Variants in DLGAP1 observed in about 807,000 individuals in gnomAD.
The protein encoded by DLGAP1 is DLG associated protein 1, also known as disks large-associated protein 1.
In DLGAP1, 11 loss-of-function variants were observed where a neutral mutation model predicts 90.8. That is an observed-to-expected ratio of 0.12 (90% CI 0.08 to 0.20). The LOEUF (loss-of-function observed/expected upper bound fraction) is 0.20, where lower values mean the gene tolerates loss of function less well. Ranked by LOEUF, DLGAP1 falls within the 10% of genes least tolerant of loss-of-function variation. The pLI, the probability that DLGAP1 is intolerant of heterozygous loss-of-function variation, is 1.00. For missense variants in DLGAP1, 1,050 were observed against 1,333.8 expected, an observed-to-expected ratio of 0.79 and a Z score of 3.31; for synonymous variants, 558 against 540.7, an observed-to-expected ratio of 1.03 and a Z score of -0.44.
intron 1 of DLGAP1, among the ~76,000 whole-genome samples, chr18:4,178,202 AACACACACACACACACACACACAC>A (rs59444096): frequency 1.2e-4 from 14 of 118,478 alleles, no homozygotes; most frequent in South Asian, 3.4e-4. Flanking sequence ...TCCTGGAATA[AACACACACACACACACACACACAC>A]ACACACACAC....
intron 5 of DLGAP1, among the ~76,000 whole-genome samples, chr18:3,777,690 T>G (rs1262745842): frequency 6.6e-6 from 1 of 152,202 alleles, no homozygotes. Flanking sequence ...AGAGAGTATG[T>G]TTCAATTCTG....
At chr18:3,560,063 A>C (rs1041942444) in intron 9 of DLGAP1, among the ~76,000 whole-genome samples, 1 of 152,184 alleles carries the variant, frequency 6.6e-6, no homozygotes, top group African/African-American at 2.4e-5. Flanking sequence ...GTAAATGTAC[A>C]TATATTTAAA....
chr18:3,754,170 T>G (rs1380067155), intron 5 of DLGAP1, among the ~76,000 whole-genome samples: 4 of 152,064 alleles, frequency 2.6e-5, no homozygotes, highest in African/African-American at 9.7e-5. Flanking sequence ...CCTGCTAATT[T>G]TTTTGTATTT....
At chr18:4,187,612 T>C (rs1002178978) in intron 1 of DLGAP1, among the ~76,000 whole-genome samples, 1 of 152,176 alleles carries the variant, frequency 6.6e-6, no homozygotes, top group Non-Finnish European at 1.5e-5. Context: ...TTTTCTGTAT[T>C]GTTGCTGTGA....
At chr18:3,878,745 G>A (rs906682856) in intron 4 of DLGAP1, among the ~76,000 whole-genome samples, 1 of 152,138 alleles carries the variant, frequency 6.6e-6, no homozygotes, top group Admixed American at 6.5e-5. Flanking sequence ...CGATCGTCAC[G>A]TATTTTTGAA....
chr18:3,585,822 A>AG (rs2145456590), intron 7 of DLGAP1, among the ~76,000 whole-genome samples: 1 of 152,328 alleles, frequency 6.6e-6, no homozygotes, highest in East Asian at 1.9e-4. Flanking sequence ...TCCAAAAAAA[A>AG]GCTAGATAAT....
At chr18:3,915,289 C>G (rs1343123142) in intron 3 of DLGAP1, among the ~76,000 whole-genome samples, 5 of 152,114 alleles carry the variant, frequency 3.3e-5, no homozygotes, top group African/African-American at 9.7e-5. Context: ...GTTTAATAAG[C>G]TCAGCTGTGA....
At chr18:3,897,147 C>T (rs1038713954) in intron 3 of DLGAP1, 24 of 152,174 alleles carry the variant, frequency 1.6e-4, no homozygotes, top group African/African-American at 5.8e-4. Context: ...TCTTGTTAAC[C>T]TGTCTTTTGT....
At chr18:3,915,508 T>C (rs920817676) in intron 3 of DLGAP1, among the ~76,000 whole-genome samples, 2 of 152,200 alleles carry the variant, frequency 1.3e-5, no homozygotes. Context: ...TGGAAGCTGC[T>C]AATTGCAACT....
intron 5 of DLGAP1, among the ~76,000 whole-genome samples, chr18:3,779,017 C>T (rs952936632): frequency 2.0e-5 from 3 of 152,122 alleles, no homozygotes; most frequent in Admixed American, 6.5e-5. Flanking sequence ...CATCCCCCCA[C>T]GACCCAGGCC....
chr18:3,729,084 C>G lies in DLGAP1; in HGVS notation c.1591+51G>C. ...CAAGGGCACAGTCTTTGGGGACAGT[C>G]GTGCCATAGCCAGCACAGGGGCCAG... On this transcript the variant is annotated intron_variant, in intron 7 of 12. Coordinates refer to ENST00000315677, the MANE Select transcript of DLGAP1 (RefSeq NM_004746.4). This position sits in a 1 kb window ranked among gnomAD's most constrained non-coding sequence, Gnocchi z 6.2. 6.4e-7 allele frequency: 1 copy of G among 1,555,392 alleles called. No individual in the cohort carries two copies. Among genetic ancestry groups the G allele is most frequent in the Non-Finnish European group, 8.7e-7 (1 of 1,150,868 alleles).
chr18:4,011,175 CAAAAAAA>C lies in DLGAP1; in HGVS notation c.-158-5981_-158-5975del, dbSNP rs35493947. ...TGGGAGACAGAGCAAGATTCCGCCT[CAAAAAAA>C]AAAAAAAAAAAAAAAAATCCTTACC... On this transcript the variant is annotated intron_variant, in intron 2 of 12. Coordinates refer to ENST00000315677, the MANE Select transcript of DLGAP1 (RefSeq NM_004746.4). Among the ~76,000 whole-genome samples the C allele has an allele frequency of 9.2e-4, 89 of 97,218 alleles. 2 individuals are homozygous for C. The highest frequency in any genetic ancestry group is 6.4e-3 in the South Asian group (17 of 2,646). The allele number at this position is 97,218 out of a possible 152,430, so 63.8% of individuals were successfully genotyped here. A position where few individuals can be genotyped will look rare whatever the true frequency, so the allele number is the denominator to read the frequency against.
rs994546079 is a variant in DLGAP1, at chr18:3,582,018, C to T, written c.1822G>A (p.Ala608Thr). 4 of 1,612,844 alleles carry T rather than the reference C, an allele frequency of 2.5e-6. No individual in the cohort carries two copies. The highest frequency in any genetic ancestry group is 1.1e-5 in the South Asian group (1 of 91,044). The stretch of plus-strand genomic sequence containing the variant: ...TGACTGGCAGGGCCATGGATCTGGG[C>T]GTTTGCAGCTTCGATGGCGGCTGTC... ...ALTAAIEAAN[A>T]QIHGPASQHM... The change falls in exon 8 of 13, where the codon GCC becomes ACC. Residue 608 changes from alanine to threonine, a missense_variant. Ala to Thr is a moderately conservative substitution (Grantham distance 58, BLOSUM62 0). Coordinates refer to ENST00000315677, the MANE Select transcript of DLGAP1 (RefSeq NM_004746.4).
chr18:4,194,148 C>G (rs1333224635), intron 1 of DLGAP1, among the ~76,000 whole-genome samples: 3 of 152,142 alleles, frequency 2.0e-5, no homozygotes, highest in Non-Finnish European at 4.4e-5. Context: ...GGTTTTTCAA[C>G]TTTGCCCCAT....
At chr18:4,087,500 T>C (rs140668017) in intron 2 of DLGAP1, among the ~76,000 whole-genome samples, 12,717 of 152,284 alleles carry the variant, frequency 0.084, 672 homozygotes, top group Non-Finnish European at 0.12. Flanking sequence ...TCCCTTTATT[T>C]CCTGTAAGGA....
intron 2 of DLGAP1, among the ~76,000 whole-genome samples, chr18:4,112,151 A>C (rs2075986122): frequency 6.6e-6 from 1 of 151,596 alleles, no homozygotes; most frequent in Non-Finnish European, 1.5e-5. Flanking sequence ...TTTCTTTCTA[A>C]TTTCCCTTGT....
intron 12 of DLGAP1, among the ~76,000 whole-genome samples, chr18:3,501,478 A>G (rs1385898424): frequency 2.0e-5 from 3 of 152,154 alleles, no homozygotes; most frequent in African/African-American, 7.2e-5. Flanking sequence ...AGAATTGGAA[A>G]CGGGGGACAG....
chr18:3,932,311 A>G (rs1465608325), intron 3 of DLGAP1, among the ~76,000 whole-genome samples: 14 of 152,166 alleles, frequency 9.2e-5, no homozygotes, highest in Admixed American at 9.2e-4. Context: ...AGATTGCAGG[A>G]GTCAAAAAGT....
chr18:3,817,415 T>C (rs2067160801), intron 4 of DLGAP1, among the ~76,000 whole-genome samples: 2 of 152,200 alleles, frequency 1.3e-5, no homozygotes, highest in African/African-American at 4.8e-5. Context: ...GCTAAGAAGT[T>C]ATGTGGAAGT....
Sources: gnomAD v4.1 joint callset for allele counts (sites outside exome capture counted in the v4.1 genomes callset) on GRCh38, gnomAD v4.1.1 for gene constraint, Gnocchi (gnomAD v3.1) non-coding constraint, MANE v1.5 for transcripts, NCBI Gene and HGNC (gene_info 2026-07-23, HGNC 2026-07-21) for gene names.